Variants in IQCM observed in about 807,000 individuals in gnomAD.
IQCM encodes IQ domain-containing protein M.
A neutral mutation model predicts 57.6 loss-of-function variants in IQCM; 45 were observed. The observed-to-expected ratio is 0.78, with a 90% CI of 0.62 to 1.00. IQCM has a LOEUF of 1.00. Ranked by LOEUF, IQCM falls within the 50% of genes least tolerant of loss-of-function variation. The probability of loss-of-function intolerance (pLI) is 0.00; values close to 1 mark genes in which losing one functional copy is unlikely to be tolerated. For missense variants in IQCM, 468 were observed against 511.6 expected, an observed-to-expected ratio of 0.91 and a Z score of 0.82; for synonymous variants, 148 against 158.9, an observed-to-expected ratio of 0.93 and a Z score of 0.51.
At chr4:149,427,988 C>CTA (rs1251872777) in intron 13 of IQCM, among the ~76,000 whole-genome samples, 4 of 151,782 alleles carry the variant, frequency 2.6e-5, no homozygotes, top group Admixed American at 1.3e-4. Flanking sequence ...TGACATTGAC[C>CTA]TAAACATAGT....
intron 2 of IQCM, among the ~76,000 whole-genome samples, chr4:149,758,311 C>T (rs1769181435): frequency 6.6e-6 from 1 of 152,118 alleles, no homozygotes; most frequent in African/African-American, 2.4e-5. Flanking sequence ...AAACCTTACA[C>T]TCTTCTCAAA....
chr4:149,486,017 GTCTCTCTCTCTCTCTCTCTCTCTC>G (rs71596213), intron 12 of IQCM, among the ~76,000 whole-genome samples: 1 of 121,598 alleles, frequency 8.2e-6, no homozygotes, highest in African/African-American at 3.0e-5. Flanking sequence ...AGCAAACAGA[GTCTCTCTCTCTCTCTCTCTCTCTC>G]TCTCTCTCTC....
At chr4:149,592,495 C>A (rs1753295497) in intron 8 of IQCM, among the ~76,000 whole-genome samples, 1 of 151,832 alleles carries the variant, frequency 6.6e-6, no homozygotes, top group Admixed American at 6.6e-5. Flanking sequence ...GCTTTTGTTG[C>A]CATTGCTTTT....
chr4:149,621,169 C>G lies in IQCM; in HGVS notation c.641G>C (p.Ser214Thr), dbSNP rs1756298897. 3.2e-6 allele frequency: 4 copies of G among 1,231,628 alleles called. No individual in the cohort carries two copies. The East Asian group carries it at 1.3e-4, about 39-fold the overall frequency. 76.3% of individuals were successfully genotyped at this position (1,231,628 alleles called of 1,614,324 possible). Residue 214 changes from serine (S) to threonine (T), a missense_variant, in exon 8 of 14, where the codon AGT (serine) becomes ACT (threonine). Physicochemically the swap from Ser to Thr is moderately conservative, Grantham distance 58. Transcript: ENST00000636793. Reference sequence around the variant, plus strand: ...AAATATTGATGATGATTGAGAGAAACTAACTCGACGGGAGTCACAAGCCAA... The same window carrying G: ...AAATATTGATGATGATTGAGAGAAAGTAACTCGACGGGAGTCACAAGCCAA... Reference protein sequence around the residue: ...FRLACDSRRVSFSQSSSIFRD... With the variant: ...FRLACDSRRVTFSQSSSIFRD...
At chr4:149,589,341 T>C (rs965916255) in intron 8 of IQCM, among the ~76,000 whole-genome samples, 6 of 152,012 alleles carry the variant, frequency 3.9e-5, no homozygotes, top group African/African-American at 1.4e-4. Flanking sequence ...AGGAAAGTGA[T>C]TATTTTAGTT....
At chr4:149,652,581 G>A (rs1338112033) in intron 7 of IQCM, among the ~76,000 whole-genome samples, 2 of 151,934 alleles carry the variant, frequency 1.3e-5, no homozygotes, top group East Asian at 3.9e-4. Context: ...GAGAGATAAT[G>A]GTGAGACAAT....
rs113448553 is a variant in IQCM at position 149,375,493 on chromosome 4, A to G, written c.1391-23427T>C. On this transcript the variant is annotated intron_variant, in intron 13 of 13. Transcript: ENST00000636793. ...TACTTTTTGTTTCTGGATGGCAATC[A>G]GGAAGAGGTTTGTAAAAATATATGT... 4.9e-3 allele frequency among the ~76,000 whole-genome samples: 748 copies of G among 152,290 alleles called. 8 individuals are homozygous for G. The highest frequency in any genetic ancestry group is 0.016 in the African/African-American group (656 of 41,570).
chr4:149,386,585 A>G (rs1176603206), intron 13 of IQCM, among the ~76,000 whole-genome samples: 1 of 152,200 alleles, frequency 6.6e-6, no homozygotes, highest in South Asian at 2.1e-4. Context: ...TATGAAAGCC[A>G]TATTCAAAAC....
chr4:149,770,357 C>G (rs1770458308), intron 2 of IQCM, among the ~76,000 whole-genome samples: 1 of 151,974 alleles, frequency 6.6e-6, no homozygotes, highest in African/African-American at 2.4e-5. Flanking sequence ...TGAACTCTAC[C>G]AAGATTTTAA....
chr4:149,787,377 G>A lies in IQCM; in HGVS notation c.-49+27934C>T, dbSNP rs545973027. ...TGGAAAAAATCCTAAAACTTATATAGAAACAAAAAATATCCTAAATATCCA... is the reference window on the plus strand; with the variant it reads ...TGGAAAAAATCCTAAAACTTATATAAAAACAAAAAATATCCTAAATATCCA... On this transcript the variant is annotated intron_variant, in intron 2 of 13. Coordinates refer to ENST00000636793, the MANE Select transcript of IQCM (RefSeq NM_001363507.2). 1.9e-4 allele frequency among the ~76,000 whole-genome samples: 29 copies of A among 151,116 alleles called. No homozygotes were observed. In the South Asian group the frequency reaches 5.6e-3, roughly 29 times the overall value.
chr4:149,376,210 C>T lies in IQCM; in HGVS notation c.1391-24144G>A, dbSNP rs549799065. Reference sequence around the variant, plus strand: ...ATTTGGAAAATGTTTTAAGTGAACCCTGGGACTTTGTGACTCAGATCTCAA... The same window carrying T: ...ATTTGGAAAATGTTTTAAGTGAACCTTGGGACTTTGTGACTCAGATCTCAA... On this transcript the variant is annotated intron_variant, in intron 13 of 13. Transcript: ENST00000636793. Among the ~76,000 whole-genome samples the T allele has an allele frequency of 1.4e-4, 22 of 152,180 alleles. No individual in the cohort carries two copies. In the South Asian group the frequency reaches 3.9e-3, roughly 27 times the overall value.
chr4:149,486,003 C>T (rs985599527), intron 12 of IQCM, among the ~76,000 whole-genome samples: 54 of 150,942 alleles, frequency 3.6e-4, no homozygotes, highest in African/African-American at 1.3e-3. Flanking sequence ...CTTACTTTCT[C>T]CCAAGCAAAC....
At chr4:149,795,869 A>G (rs1196063752) in intron 2 of IQCM, among the ~76,000 whole-genome samples, 2 of 152,202 alleles carry the variant, frequency 1.3e-5, no homozygotes, top group African/African-American at 4.8e-5. Flanking sequence ...CAGTTCTGGC[A>G]GCATTTATCA....
At chr4:149,443,436 T>C (rs1464595254) in intron 12 of IQCM, among the ~76,000 whole-genome samples, 1 of 151,950 alleles carries the variant, frequency 6.6e-6, no homozygotes, top group Admixed American at 6.6e-5. Flanking sequence ...TTAGATTTTC[T>C]AAAACAACAT....
At chr4:149,514,589 A>C (rs1437013622) in intron 12 of IQCM, 1 of 152,246 alleles carries the variant, frequency 6.6e-6, no homozygotes, top group Admixed American at 6.5e-5. Flanking sequence ...GGTGGGGTTC[A>C]TCTGGTCTAG....
intron 7 of IQCM, among the ~76,000 whole-genome samples, chr4:149,659,967 C>G (rs976283092): frequency 6.6e-6 from 1 of 151,442 alleles, no homozygotes; most frequent in African/African-American, 2.4e-5. Flanking sequence ...CAACAAAAGC[C>G]AAAATTGACA....
chr4:149,471,277 TAA>T (rs912462460), intron 12 of IQCM, among the ~76,000 whole-genome samples: 12 of 152,020 alleles, frequency 7.9e-5, no homozygotes, highest in Admixed American at 7.2e-4. Flanking sequence ...TAAAAAATGA[TAA>T]AGAGATATCA....
chr4:149,618,206 C>T (rs1755969168), intron 8 of IQCM, among the ~76,000 whole-genome samples: 1 of 152,092 alleles, frequency 6.6e-6, no homozygotes, highest in Non-Finnish European at 1.5e-5. Context: ...CACATTATTA[C>T]AACCAAGTGA....
At chr4:149,587,414 T>G (rs182259289) in intron 9 of IQCM, among the ~76,000 whole-genome samples, 37 of 151,896 alleles carry the variant, frequency 2.4e-4, no homozygotes, top group Middle Eastern at 3.4e-3. Flanking sequence ...TTTCCACAAT[T>G]GCTTCTTTCA....
Sources: allele counts gnomAD v4.1 joint callset (sites outside exome capture counted in the v4.1 genomes callset), GRCh38; gene constraint gnomAD v4.1.1; transcripts MANE v1.5; gene names NCBI Gene and HGNC (gene_info 2026-07-23, HGNC 2026-07-21).